Variants in RBFOX1 observed in about 807,000 individuals in gnomAD.
The protein encoded by RBFOX1 is RNA binding fox-1 homolog 1.
A neutral mutation model predicts 57.7 loss-of-function variants in RBFOX1; 8 were observed. The observed-to-expected ratio is 0.14, with a 90% CI of 0.08 to 0.25. RBFOX1 has a LOEUF of 0.25. Among genes scored for constraint, RBFOX1 ranks in the 10% least tolerant of loss-of-function variants. RBFOX1 has a pLI of 1.00. For synonymous variants in RBFOX1, 326 were observed against 222.4 expected (o/e 1.47, Z -4.15); for missense variants, 611 against 548.5 (o/e 1.11, Z -1.14).
chr16:6,877,020 C>A (rs1195668588), intron 3 of RBFOX1, among the ~76,000 whole-genome samples: 1 of 152,082 alleles, frequency 6.6e-6, no homozygotes, highest in African/African-American at 2.4e-5. Context: ...TATATTTCTG[C>A]TATTGTTTCT....
intron 4 of RBFOX1, among the ~76,000 whole-genome samples, chr16:7,166,997 T>TTTTTTTTTTTG (rs2079681246): frequency 1.5e-5 from 1 of 66,814 alleles, no homozygotes; most frequent in Non-Finnish European, 3.2e-5. Flanking sequence ...TTTTTTTTTT[T>TTTTTTTTTTTG]TTTTTTTTTT....
At chr16:7,412,631 A>T (rs995598223) in intron 4 of RBFOX1, among the ~76,000 whole-genome samples, 5 of 152,240 alleles carry the variant, frequency 3.3e-5, no homozygotes, top group East Asian at 1.9e-4. Flanking sequence ...AATACAAAGC[A>T]TTCTATCTTA....
intron 4 of RBFOX1, among the ~76,000 whole-genome samples, chr16:5,890,827 G>T (rs1181930120): frequency 6.6e-6 from 1 of 151,712 alleles, no homozygotes; most frequent in Non-Finnish European, 1.5e-5. Context: ...TAAATGGAAT[G>T]ATCCATTCAC....
At chr16:6,426,296 A>C (rs2093926389) in intron 2 of RBFOX1, among the ~76,000 whole-genome samples, 1 of 152,076 alleles carries the variant, frequency 6.6e-6, no homozygotes, top group African/African-American at 2.4e-5. Flanking sequence ...AGGGTGAAGA[A>C]GGGAGAGAGA....
intron 4 of RBFOX1, among the ~76,000 whole-genome samples, chr16:7,233,034 C>G (rs923593109): frequency 6.6e-6 from 1 of 152,040 alleles, no homozygotes; most frequent in Admixed American, 6.6e-5. Flanking sequence ...CTACATTTCC[C>G]TTTTCAATCC....
At chr16:7,124,408 T>G (rs1320367625) in intron 4 of RBFOX1, among the ~76,000 whole-genome samples, 2 of 152,102 alleles carry the variant, frequency 1.3e-5, no homozygotes, top group South Asian at 4.2e-4. Context: ...AATGAAACTC[T>G]GTCATAAATA....
At chr16:5,836,774 C>T (rs1370245766) in intron 3 of RBFOX1, among the ~76,000 whole-genome samples, 3 of 152,194 alleles carry the variant, frequency 2.0e-5, no homozygotes, top group African/African-American at 7.2e-5. Flanking sequence ...GTTGTGACAA[C>T]TACAAATGTC....
chr16:6,020,313 G>A (rs1168606839), intron 1 of RBFOX1, among the ~76,000 whole-genome samples: 1 of 152,096 alleles, frequency 6.6e-6, no homozygotes, highest in African/African-American at 2.4e-5. Flanking sequence ...GCCAGGAGCA[G>A]CGGGAGCCTG....
chr16:6,541,447 G>A (rs2096817314), intron 2 of RBFOX1, among the ~76,000 whole-genome samples: 1 of 152,204 alleles, frequency 6.6e-6, no homozygotes, highest in Non-Finnish European at 1.5e-5. Flanking sequence ...ACAGTGCAGG[G>A]ATCAGACAGT....
In RBFOX1 at chr16:6,486,038, A is replaced by G. The variant is rs565943103; in HGVS notation, c.-63-168565A>G. On this transcript the variant is annotated intron_variant, in intron 2 of 15. Transcript: ENST00000550418. ...TTTTCTTTTTTTTTTTCCTCTCTCT[A>G]CTAGGAGTATGATACAAAAGTTGAA... 3.4e-4 allele frequency among the ~76,000 whole-genome samples: 45 copies of G among 130,878 alleles called. No individual in the cohort carries two copies. In the East Asian group the frequency reaches 7.1e-3, roughly 21 times the overall value. The allele number at this position is 130,878 out of a possible 152,430, so 85.9% of individuals were successfully genotyped here.
intron 2 of RBFOX1, among the ~76,000 whole-genome samples, chr16:6,445,283 C>T (rs552504557): frequency 6.6e-4 from 101 of 152,032 alleles, no homozygotes; most frequent in African/African-American, 2.3e-3. Flanking sequence ...TACATGTGCT[C>T]AACGTGCAGG....
At chr16:5,523,770 A>C (rs887783536) in intron 2 of RBFOX1, among the ~76,000 whole-genome samples, 9 of 152,204 alleles carry the variant, frequency 5.9e-5, no homozygotes. Flanking sequence ...TCTTTTTCAT[A>C]ACATTTCCTC....
chr16:7,703,469 G>A (rs1335020749), intron 14 of RBFOX1, among the ~76,000 whole-genome samples: 1 of 152,148 alleles, frequency 6.6e-6, no homozygotes, highest in Non-Finnish European at 1.5e-5. Context: ...TGAGAAGCAT[G>A]GGGAGATGAT....
chr16:6,069,473 C>T (rs2095809188), intron 1 of RBFOX1, among the ~76,000 whole-genome samples: 1 of 151,220 alleles, frequency 6.6e-6, no homozygotes, highest in Admixed American at 6.6e-5. Flanking sequence ...TTGAAGAAAG[C>T]TGAGTCCTGC....
chr16:5,474,432 T>A lies in RBFOX1; in HGVS notation c.258+7178T>A, dbSNP rs148012974. On this transcript the variant is annotated intron_variant, in intron 2 of 2. Coordinates refer to the RBFOX1 transcript ENST00000585867. ...ACTTTGGGAGGCCGAGGTGGGCAGA[T>A]CACCTGAGGTCAGGAGTTCGAGACC... 5.0e-3 allele frequency among the ~76,000 whole-genome samples: 762 copies of A among 152,246 alleles called. 23 individuals are homozygous for A. Among genetic ancestry groups the A allele is most frequent in the Admixed American group, 0.046 (697 of 15,284 alleles).
chr16:5,524,384 G>T (rs552577678), intron 2 of RBFOX1, among the ~76,000 whole-genome samples: 1 of 152,294 alleles, frequency 6.6e-6, no homozygotes, highest in Admixed American at 6.5e-5. Context: ...ATTCTTTTGG[G>T]AGGGCAAGCC....
intron 3 of RBFOX1, among the ~76,000 whole-genome samples, chr16:5,780,379 G>A (rs906690450): frequency 6.6e-6 from 1 of 152,142 alleles, no homozygotes; most frequent in African/African-American, 2.4e-5. Flanking sequence ...TAGAGACAAT[G>A]AGATAAATTT....
chr16:7,642,932 G>A (rs557005431), intron 11 of RBFOX1, among the ~76,000 whole-genome samples: 7 of 152,278 alleles, frequency 4.6e-5, no homozygotes, highest in Non-Finnish European at 7.3e-5. Context: ...AATCCTGCCC[G>A]GCGGGGGAAA....
Position 6,222,627 on chromosome 16 carries a change from AGACTGT to A in RBFOX1, c.-126-94365_-126-94360del, listed in dbSNP as rs2097382923. 3.5e-4 allele frequency among the ~76,000 whole-genome samples: 4 copies of A among 11,384 alleles called. No homozygotes were observed. The Admixed American group carries it at 8.2e-3, about 23-fold the overall frequency. 7.5% of individuals were successfully genotyped at this position (11,384 alleles called of 152,430 possible). ...CTGGATTGCTGGGCCCCTGTTCCAGAGACTGTGATTCAGTGATTCAGTAGGTCTTGG... is the reference window on the plus strand; with the variant it reads ...CTGGATTGCTGGGCCCCTGTTCCAGAGATTCAGTGATTCAGTAGGTCTTGG... On this transcript the variant is annotated intron_variant, in intron 1 of 15. Coordinates refer to ENST00000550418, the MANE Select transcript of RBFOX1 (RefSeq NM_018723.4).
Sources: allele counts gnomAD v4.1 joint callset (sites outside exome capture counted in the v4.1 genomes callset), GRCh38; gene constraint gnomAD v4.1.1; transcripts MANE v1.5; gene names NCBI Gene and HGNC (gene_info 2026-07-23, HGNC 2026-07-21).